The following PAM16 variants were observed in gnomAD, a reference collection of about 807,000 sequenced individuals.
The protein encoded by PAM16 is presequence translocase associated motor 16, also known as mitochondrial import inner membrane translocase subunit TIM16.
In PAM16, 11 loss-of-function variants were observed where a neutral mutation model predicts 17.9. The observed-to-expected ratio is 0.62, with a 90% CI of 0.39 to 1.02. The LOEUF (loss-of-function observed/expected upper bound fraction) is 1.02. Among genes scored for constraint, PAM16 ranks in the 50% least tolerant of loss-of-function variants. The probability of loss-of-function intolerance (pLI) is 0.01; values close to 1 mark genes in which losing one functional copy is unlikely to be tolerated. For missense variants in PAM16, 199 were observed against 165.4 expected (o/e 1.20, Z -1.11); for synonymous variants, 72 against 67.4 (o/e 1.07, Z -0.34).
intron 2 of PAM16, 86 bp from the exon 3 acceptor site, chr16:4,341,590 C>A: frequency 6.7e-7 from 1 of 1,501,254 alleles, no homozygotes; most frequent in Non-Finnish European, 8.9e-7. Context: ...ACCCCTGCCA[C>A]CAGCACAGGA....
chr16:4,341,854 G>GC (rs958144365), intron 2 of PAM16, among the ~76,000 whole-genome samples: 19 of 152,154 alleles, frequency 1.2e-4, no homozygotes, highest in African/African-American at 4.3e-4. Context: ...GGGGCTGCGG[G>GC]CATGAGAGGG....
At chr16:4,350,339 T>A (rs2053830282) in intron 1 of PAM16, among the ~76,000 whole-genome samples, 1 of 149,460 alleles carries the variant, frequency 6.7e-6, no homozygotes, top group Non-Finnish European at 1.5e-5. Flanking sequence ...ACATGATATA[T>A]AAAAATATAT....
chr16:4,351,155 C>T, intron 1 of PAM16, 77 bp downstream of exon 1: 1 of 867,316 alleles, frequency 1.2e-6, no homozygotes, highest in Non-Finnish European at 1.5e-6. Flanking sequence ...CCGCCCAGCC[C>T]GGAGCTCGCC....
chr16:4,348,486 C>G (rs954199737), intron 1 of PAM16: 2 of 152,420 alleles, frequency 1.3e-5, no homozygotes, highest in African/African-American at 4.8e-5. Flanking sequence ...TAGAGCCGCT[C>G]TCATACTTCT....
At chr16:4,341,094 T>C in intron 3 of PAM16, 109 bp from the exon 4 acceptor site, 1 of 1,406,994 alleles carries the variant, frequency 7.1e-7, no homozygotes, top group Non-Finnish European at 1.0e-6. Flanking sequence ...CTCCACCCTG[T>C]GTGCCACACC....
In PAM16 at chr16:4,341,452, GGCT is replaced by G. The variant is rs1347835485; in HGVS notation, c.138_140del (p.Ala48del). The G allele has an allele frequency of 1.2e-6, 2 of 1,609,518 alleles. No homozygotes were observed. The highest frequency in any genetic ancestry group is 2.7e-5 in the African/African-American group (2 of 74,900). Reference sequence around the variant, plus strand: ...GGCTGAGGCCGGAGAGGTTGGAAGCGGCTGCAGACCGGTGTCCAGCGCGTCCTC... The same window carrying G: ...GGCTGAGGCCGGAGAGGTTGGAAGCGGCAGACCGGTGTCCAGCGCGTCCTC... On this transcript the variant is annotated inframe_deletion, in exon 3 of 5. Coordinates refer to ENST00000318059, the MANE Select transcript of PAM16 (RefSeq NM_016069.11).
intron 1 of PAM16, among the ~76,000 whole-genome samples, chr16:4,344,290 CTG>C (rs1489168113): frequency 1.7e-3 from 6 of 3,522 alleles, no homozygotes; most frequent in East Asian, 0.01. Context: ...GGAGGGGGTT[CTG>C]TGTGAGAGGA....
chr16:4,343,614 G>A (rs1446361261), intron 1 of PAM16: 1 of 1,357,134 alleles, frequency 7.4e-7, no homozygotes, highest in South Asian at 1.9e-5. Context: ...GAAACACTGT[G>A]GTCTGGGAGC....
intron 3 of PAM16, 102 bp downstream of exon 3, chr16:4,341,266 G>C (rs746775056): frequency 9.9e-5 from 147 of 1,481,884 alleles, no homozygotes; most frequent in Middle Eastern, 3.9e-4. Flanking sequence ...GCTGGGTGCA[G>C]CTGCAGCCTC....
chr16:4,341,118 CACT>C (rs2141140871), intron 3 of PAM16, 133 bp from the exon 4 acceptor site: 1 of 1,265,548 alleles, frequency 7.9e-7, no homozygotes, highest in Non-Finnish European at 1.1e-6. Flanking sequence ...CTGTTGTGGC[CACT>C]GAGAGGCAGA....
At chr16:4,350,686 C>G (rs1413252574) in intron 1 of PAM16, among the ~76,000 whole-genome samples, 1 of 152,196 alleles carries the variant, frequency 6.6e-6, no homozygotes. Flanking sequence ...AGGCGTGAGC[C>G]ACCGCGCCCA....
At chr16:4,350,603 A>C (rs1464206985) in intron 1 of PAM16, among the ~76,000 whole-genome samples, 1 of 151,828 alleles carries the variant, frequency 6.6e-6, no homozygotes, top group East Asian at 1.9e-4. Context: ...GGGTTTCATC[A>C]TGTTGGCCAG....
chr16:4,349,087 C>G (rs1237595945), intron 1 of PAM16, among the ~76,000 whole-genome samples: 6 of 151,960 alleles, frequency 3.9e-5, no homozygotes, highest in Non-Finnish European at 5.9e-5. Flanking sequence ...TCCTGAGTAG[C>G]TGGGACTACA....
chr16:4,346,971 G>C (rs1387673795), intron 1 of PAM16: 1 of 152,046 alleles, frequency 6.6e-6, no homozygotes, highest in Admixed American at 6.6e-5. Context: ...CACCCGCCTC[G>C]GCCTCCCAAA....
intron 1 of PAM16, among the ~76,000 whole-genome samples, chr16:4,349,568 C>A (rs1169319213): frequency 3.3e-5 from 5 of 152,058 alleles, no homozygotes; most frequent in Admixed American, 6.5e-5. Context: ...GCCTAGGAGA[C>A]CCATCTGGGG....
At chr16:4,345,828 G>T in intron 1 of PAM16, 1 of 985,196 alleles carries the variant, frequency 1.0e-6, no homozygotes, top group Non-Finnish European at 1.2e-6. Flanking sequence ...AGTGGAACAG[G>T]AGGCTCAGGG....
intron 1 of PAM16, 86 bp downstream of exon 1, chr16:4,351,146 C>G: frequency 1.4e-6 from 1 of 738,450 alleles, no homozygotes; most frequent in Non-Finnish European, 1.9e-6. Flanking sequence ...CGGCGCCCGC[C>G]GCCCAGCCCG....
intron 1 of PAM16, among the ~76,000 whole-genome samples, chr16:4,345,133 A>AG (rs2053735417): frequency 6.6e-6 from 1 of 152,024 alleles, no homozygotes; most frequent in Non-Finnish European, 1.5e-5. Flanking sequence ...CCGTAGACGC[A>AG]GGGGGGTGGC....
intron 1 of PAM16, chr16:4,347,374 G>C: frequency 6.6e-6 from 1 of 152,198 alleles, no homozygotes; most frequent in Non-Finnish European, 1.5e-5. Flanking sequence ...TCCTAGGTTC[G>C]CATGAACTGC....
Sources: gnomAD v4.1 joint callset for allele counts (sites outside exome capture counted in the v4.1 genomes callset) on GRCh38, gnomAD v4.1.1 for gene constraint, MANE v1.5 for transcripts, NCBI Gene and HGNC (gene_info 2026-07-23, HGNC 2026-07-21) for gene names.